ANKRD29: variants seen among roughly 807,000 people sequenced by gnomAD.
ANKRD29 encodes ankyrin repeat domain-containing protein 29.
In ANKRD29, 32 loss-of-function variants were observed where a neutral mutation model predicts 38.0. The observed-to-expected ratio is 0.84, with a 90% CI of 0.64 to 1.13. The LOEUF (loss-of-function observed/expected upper bound fraction) is 1.13, where lower values mean the gene tolerates loss of function less well. Ranked by LOEUF, ANKRD29 falls within the 50% of genes most tolerant of loss-of-function variation. The pLI, the probability that ANKRD29 is intolerant of heterozygous loss-of-function variation, is 0.00. For missense variants in ANKRD29, 357 were observed against 377.9 expected, an observed-to-expected ratio of 0.94 and a Z score of 0.46; for synonymous variants, 135 against 152.4, an observed-to-expected ratio of 0.89 and a Z score of 0.84.
chr18:23,626,259 G>C (rs143685779), intron 6 of ANKRD29, among the ~76,000 whole-genome samples: 58 of 152,296 alleles, frequency 3.8e-4, no homozygotes, highest in African/African-American at 1.3e-3. Context: ...TTTATTAGAT[G>C]ACTTTTCCTC....
intron 8 of ANKRD29, 45 bp from the exon 9 acceptor site, chr18:23,612,235 T>C (rs1176696258): frequency 1.0e-5 from 16 of 1,549,076 alleles, no homozygotes; most frequent in Middle Eastern, 3.4e-4. Flanking sequence ...CTCACAGCCA[T>C]TGGCATTCAG....
intron 3 of ANKRD29, among the ~76,000 whole-genome samples, chr18:23,643,523 T>A (rs2060103782): frequency 1.3e-5 from 2 of 152,232 alleles, no homozygotes. Flanking sequence ...ATTACATAAA[T>A]CATTATTAGA....
rs1235864150 is a variant in ANKRD29 at position 23,601,353 on chromosome 18, T to G, written c.823-44A>C. The G allele has an allele frequency of 2.5e-6, 4 of 1,584,132 alleles. No individual in the cohort carries two copies. The Admixed American group carries it at 6.7e-5, about 26-fold the overall frequency. ...GGCATTAGTGAATCCCCATAGCTGGTGTGGTTTTAGGGACTCCAAAGAGGG... is the reference window on the plus strand; with the variant it reads ...GGCATTAGTGAATCCCCATAGCTGGGGTGGTTTTAGGGACTCCAAAGAGGG... On this transcript the variant is annotated intron_variant, in intron 9 of 9. Coordinates refer to ENST00000592179, the MANE Select transcript of ANKRD29 (RefSeq NM_173505.4).
intron 1 of ANKRD29, among the ~76,000 whole-genome samples, chr18:23,658,215 G>A (rs2060309199): frequency 6.6e-6 from 1 of 152,094 alleles, no homozygotes; most frequent in Non-Finnish European, 1.5e-5. Context: ...AGATCAGCCT[G>A]GGCAACACAG....
Position 23,612,088 on chromosome 18 carries a change from G to T in ANKRD29, c.822+4C>A. On this transcript the variant is annotated splice_donor_region_variant and intron_variant, in intron 9 of 9. Transcript: ENST00000592179. ...AACGAGTTAAAAGATTGCTTAGTGGGTACCTTGTTTCTCAGGGATGGGTCT... is the reference window on the plus strand; with the variant it reads ...AACGAGTTAAAAGATTGCTTAGTGGTTACCTTGTTTCTCAGGGATGGGTCT... The T allele has an allele frequency of 6.2e-7, 1 of 1,612,922 alleles. No individual in the cohort carries two copies. Among genetic ancestry groups the T allele is most frequent in the Non-Finnish European group, 8.5e-7 (1 of 1,179,772 alleles).
intron 2 of ANKRD29, chr18:23,647,607 C>T (rs1053644726): frequency 6.6e-6 from 1 of 152,138 alleles, no homozygotes; most frequent in Admixed American, 6.5e-5. Flanking sequence ...GCAACCCCCG[C>T]CTCCCAGGTT....
At chr18:23,606,873 G>A (rs1028015068) in intron 9 of ANKRD29, among the ~76,000 whole-genome samples, 26 of 152,164 alleles carry the variant, frequency 1.7e-4, no homozygotes, top group African/African-American at 6.0e-4. Context: ...AAAGAAAGAA[G>A]GATGTTCTGG....
At chr18:23,602,326 G>A (rs1353715759) in intron 9 of ANKRD29, among the ~76,000 whole-genome samples, 1 of 152,016 alleles carries the variant, frequency 6.6e-6, no homozygotes, top group Non-Finnish European at 1.5e-5. Flanking sequence ...GTGAGCCACC[G>A]CGCCCGGGCC....
At chr18:23,608,911 T>A (rs1245591351) in intron 9 of ANKRD29, among the ~76,000 whole-genome samples, 1 of 151,970 alleles carries the variant, frequency 6.6e-6, no homozygotes, top group Admixed American at 6.6e-5. Flanking sequence ...TTTCTCAAAG[T>A]GAAAGTTGGT....
At position 23,606,752 on chromosome 18, in the gene ANKRD29, T is replaced by C. The variant is rs915394203; in HGVS notation, c.822+5340A>G. 5.3e-5 allele frequency among the ~76,000 whole-genome samples: 8 copies of C among 152,320 alleles called. No individual in the cohort carries two copies. In the East Asian group the frequency reaches 1.5e-3, roughly 29 times the overall value. On this transcript the variant is annotated intron_variant, in intron 9 of 9. Transcript: ENST00000592179. ...TGGTGGCTCATGCCTATAGTTCAGCTACTCAGGAGGCTGAGGCAGGAGTAT... is the reference window on the plus strand; with the variant it reads ...TGGTGGCTCATGCCTATAGTTCAGCCACTCAGGAGGCTGAGGCAGGAGTAT...
chr18:23,658,413 A>G (rs1185034862), intron 1 of ANKRD29, among the ~76,000 whole-genome samples: 1 of 152,210 alleles, frequency 6.6e-6, no homozygotes, highest in Non-Finnish European at 1.5e-5. Flanking sequence ...AAACAAAAGC[A>G]AAAACAAAAA....
In ANKRD29 at chr18:23,632,533, G is replaced by GTATATATA. The variant is rs61584775; in HGVS notation, c.429+1510_429+1517dup. Among the ~76,000 whole-genome samples, 53 of 130,944 alleles carry GTATATATA rather than the reference G, an allele frequency of 4.0e-4. 2 individuals are homozygous for GTATATATA. The highest frequency in any genetic ancestry group is 1.1e-3 in the African/African-American group (35 of 30,740). The allele number at this position is 130,944 out of a possible 152,430, so 85.9% of individuals were successfully genotyped here. ...CTATTCAGTGTGTGTGTGTGTGTGT[G>GTATATATA]TATATATATATATATTACACACTCT... On this transcript the variant is annotated intron_variant, in intron 5 of 9. Transcript: ENST00000592179.
intron 6 of ANKRD29, among the ~76,000 whole-genome samples, chr18:23,625,003 C>T (rs924167000): frequency 1.3e-5 from 2 of 152,140 alleles, no homozygotes; most frequent in Non-Finnish European, 2.9e-5. Flanking sequence ...GTATCTGAAG[C>T]GGCACTAGCT....
chr18:23,661,369 C>G (rs771896988), intron 1 of ANKRD29, among the ~76,000 whole-genome samples: 36 of 152,172 alleles, frequency 2.4e-4, no homozygotes, highest in Non-Finnish European at 1.0e-4. Context: ...AACGTTTTAT[C>G]TTTATCTCTC....
Position 23,609,334 on chromosome 18 carries a change from A to G in ANKRD29, c.822+2758T>C, listed in dbSNP as rs1426926748. 2.0e-5 allele frequency: 3 copies of G among 152,228 alleles called. No individual in the cohort carries two copies. The South Asian group carries it at 6.2e-4, about 32-fold the overall frequency. 9.4% of individuals were successfully genotyped at this position (152,228 alleles called of 1,614,324 possible). On this transcript the variant is annotated intron_variant, in intron 9 of 9. Coordinates refer to ENST00000592179, the MANE Select transcript of ANKRD29 (RefSeq NM_173505.4). Reference sequence around the variant, plus strand: ...TAAGAAAACCTAACTTTGACCCCCTATGATTCCATCTCCAATCTGACCAAT... The same window carrying G: ...TAAGAAAACCTAACTTTGACCCCCTGTGATTCCATCTCCAATCTGACCAAT...
At chr18:23,620,753 G>C (rs1159534900) in intron 6 of ANKRD29, among the ~76,000 whole-genome samples, 1 of 152,200 alleles carries the variant, frequency 6.6e-6, no homozygotes, top group African/African-American at 2.4e-5. Context: ...GGAGATAGGA[G>C]AGAAATGGCC....
chr18:23,602,327 C>T (rs1435295904), intron 9 of ANKRD29, among the ~76,000 whole-genome samples: 6 of 152,196 alleles, frequency 3.9e-5, no homozygotes, highest in Admixed American at 2.0e-4. Flanking sequence ...TGAGCCACCG[C>T]GCCCGGGCCA....
chr18:23,601,615 C>G (rs1599045807), intron 9 of ANKRD29, among the ~76,000 whole-genome samples: 2 of 152,282 alleles, frequency 1.3e-5, no homozygotes, highest in South Asian at 4.1e-4. Context: ...CCCAGCATGT[C>G]TAAAATGTGC....
chr18:23,662,671 C>T, intron 1 of ANKRD29, 39 bp downstream of exon 1: 2 of 1,428,960 alleles, frequency 1.4e-6, no homozygotes, highest in Non-Finnish European at 1.8e-6. Flanking sequence ...GCCGCCCGAG[C>T]CCGGCCCCAG....
Sources: gnomAD v4.1 joint callset for allele counts (sites outside exome capture counted in the v4.1 genomes callset) on GRCh38, gnomAD v4.1.1 for gene constraint, MANE v1.5 for transcripts, NCBI Gene and HGNC (gene_info 2026-07-23, HGNC 2026-07-21) for gene names.